CDH6: variants seen among roughly 807,000 people sequenced by gnomAD.
CDH6 encodes cadherin 6.
A neutral mutation model predicts 78.0 loss-of-function variants in CDH6; 31 were observed. The observed-to-expected ratio is 0.40, with a 90% CI of 0.30 to 0.54. The LOEUF (loss-of-function observed/expected upper bound fraction) is 0.54, where lower values mean the gene tolerates loss of function less well. CDH6 is among the 20% of genes least tolerant of loss of function. CDH6 has a pLI of 0.56. For synonymous variants in CDH6, 376 were observed against 368.8 expected (o/e 1.02, Z -0.23); for missense variants, 724 against 975.9 (o/e 0.74, Z 3.44).
intron 7 of CDH6, among the ~76,000 whole-genome samples, chr5:31,306,109 A>C (rs1244927316): frequency 3.3e-5 from 5 of 152,220 alleles, no homozygotes; most frequent in Non-Finnish European, 7.3e-5. Flanking sequence ...ATTTTTAACA[A>C]ATCAAGCACT....
chr5:31,211,734 A>T (rs372956149), intron 1 of CDH6, among the ~76,000 whole-genome samples: 3 of 152,336 alleles, frequency 2.0e-5, no homozygotes, highest in East Asian at 3.9e-4. Context: ...AAGTGGAATA[A>T]AATCTAGAAT....
intron 1 of CDH6, among the ~76,000 whole-genome samples, chr5:31,243,041 A>G (rs533475400): frequency 6.6e-5 from 10 of 152,280 alleles, no homozygotes; most frequent in Admixed American, 3.9e-4. Context: ...TCAACCAACC[A>G]AGCCAATAGA....
In CDH6 at chr5:31,324,961, T is replaced by C; in HGVS notation, c.*1653T>C. ...TTAAGAATATGCTGACTTCACTTAT[T>C]AGTCTTAGGGATTTATTTTCAATTA... On this transcript the variant is annotated 3_prime_UTR_variant, in exon 12 of 12. Coordinates refer to ENST00000265071, the MANE Select transcript of CDH6 (RefSeq NM_004932.4). 1 of 203,660 alleles carries C rather than the reference T, an allele frequency of 4.9e-6. No homozygotes were observed. The highest frequency in any genetic ancestry group is 1.0e-5 in the Non-Finnish European group (1 of 99,358). The allele number at this position is 203,660 out of a possible 1,614,324, so 12.6% of individuals were successfully genotyped here.
At chr5:31,320,269 T>C (rs1305411396) in intron 11 of CDH6, among the ~76,000 whole-genome samples, 4 of 152,244 alleles carry the variant, frequency 2.6e-5, no homozygotes, top group Non-Finnish European at 4.4e-5. Context: ...AGAAAAGATA[T>C]AAGCAGTTTT....
At chr5:31,210,612 T>G (rs1740676952) in intron 1 of CDH6, among the ~76,000 whole-genome samples, 1 of 152,162 alleles carries the variant, frequency 6.6e-6, no homozygotes, top group Admixed American at 6.5e-5. Context: ...ACACCCCTCC[T>G]TCCCCCAGCA....
At chr5:31,244,013 T>C (rs1741677962) in intron 1 of CDH6, among the ~76,000 whole-genome samples, 1 of 152,250 alleles carries the variant, frequency 6.6e-6, no homozygotes, top group South Asian at 2.1e-4. Context: ...CTTGTTTTTA[T>C]GGCCAAATCA....
In CDH6 at chr5:31,236,769, T is replaced by A. The variant is rs1741465894; in HGVS notation, c.-128-30577T>A. ...TTTTGATCAGCAGAATTTGAAAATC[T>A]GGTCCCTCATGCTGGGATTTAATGT... On this transcript the variant is annotated intron_variant, in intron 1 of 11. Coordinates refer to ENST00000265071, the MANE Select transcript of CDH6 (RefSeq NM_004932.4). 2.0e-5 allele frequency among the ~76,000 whole-genome samples: 3 copies of A among 152,326 alleles called. No homozygotes were observed. The South Asian group carries it at 6.2e-4, about 32-fold the overall frequency.
intron 1 of CDH6, among the ~76,000 whole-genome samples, chr5:31,201,843 G>T (rs540893739): frequency 1.3e-5 from 2 of 152,146 alleles, no homozygotes; most frequent in African/African-American, 4.8e-5. Flanking sequence ...TTAATGAAAA[G>T]GTATCCTTGG....
At chr5:31,275,245 G>A (rs1163178236) in intron 2 of CDH6, among the ~76,000 whole-genome samples, 1 of 152,108 alleles carries the variant, frequency 6.6e-6, no homozygotes, top group Non-Finnish European at 1.5e-5. Flanking sequence ...TTTGTTAGCT[G>A]ATTATATTCC....
chr5:31,308,623 G>A lies in CDH6; in HGVS notation c.1253+3196G>A, dbSNP rs1738061758. On this transcript the variant is annotated intron_variant, in intron 7 of 11. Transcript: ENST00000265071. Reference sequence around the variant, plus strand: ...TTGTGTACAAGCAACTTTCCTGAATGATGTGGGCATTTTAGATTTTCTATT... The same window carrying A: ...TTGTGTACAAGCAACTTTCCTGAATAATGTGGGCATTTTAGATTTTCTATT... Among the ~76,000 whole-genome samples the A allele has an allele frequency of 3.3e-5, 5 of 152,060 alleles. No individual in the cohort carries two copies. In the South Asian group the frequency reaches 1.0e-3, roughly 31 times the overall value.
At position 31,326,015 on chromosome 5, in the gene CDH6, C is replaced by T. The variant is rs1738617408; in HGVS notation, c.*2707C>T. 1.7e-5 allele frequency: 4 copies of T among 231,684 alleles called. No homozygotes were observed. The highest frequency in any genetic ancestry group is 5.6e-5 in the Admixed American group (1 of 17,716). The allele number at this position is 231,684 out of a possible 1,614,324, so 14.4% of individuals were successfully genotyped here. ...GTATCAGGTCAAACATCATTGCATG[C>T]GCAGGTTTTTTTTTTAATTGCTAGG... is the stretch of plus-strand genomic sequence containing the variant. On this transcript the variant is annotated 3_prime_UTR_variant, in exon 12 of 12. Transcript: ENST00000265071.
chr5:31,316,060 G>A (rs1344109524), intron 8 of CDH6, 148 bp from the exon 9 acceptor site: 4 of 735,330 alleles, frequency 5.4e-6, no homozygotes, highest in Non-Finnish European at 8.3e-6. Flanking sequence ...TGTACTTTTT[G>A]TGACCACACT....
chr5:31,211,285 G>A (rs1204423879), intron 1 of CDH6, among the ~76,000 whole-genome samples: 2 of 152,062 alleles, frequency 1.3e-5, no homozygotes, highest in African/African-American at 4.8e-5. Context: ...TCCATGCTCT[G>A]TGGGGTGGGG....
At chr5:31,282,576 T>C (rs11951763) in intron 2 of CDH6, among the ~76,000 whole-genome samples, 66,404 of 151,982 alleles carry the variant, frequency 0.44, 14,709 homozygotes, top group African/African-American at 0.5. Context: ...TGTGTAAAGT[T>C]CTTTTTGCCA....
intron 1 of CDH6, among the ~76,000 whole-genome samples, chr5:31,228,285 C>T (rs559267626): frequency 7.9e-4 from 120 of 152,226 alleles, no homozygotes; most frequent in African/African-American, 2.6e-3. Context: ...ACCATATCTG[C>T]GGTCTCTTTT....
chr5:31,323,491 G>A lies in CDH6; in HGVS notation c.*183G>A. 2 of 653,930 alleles carry A rather than the reference G, an allele frequency of 3.1e-6. No homozygotes were observed. Among genetic ancestry groups the A allele is most frequent in the Middle Eastern group, 4.4e-4 (1 of 2,280 alleles). 40.5% of individuals were successfully genotyped at this position (653,930 alleles called of 1,614,324 possible). A position where few individuals can be genotyped will look rare whatever the true frequency, so the allele number is the denominator to read the frequency against. On this transcript the variant is annotated 3_prime_UTR_variant, in exon 12 of 12. Transcript: ENST00000265071. ...GTACACTTTTATGAGCTTCCAAGGG[G>A]CAAATTTTTATTTTTTAGTGCATCC...
At chr5:31,302,904 A>AAAG (rs1459647828) in intron 6 of CDH6, among the ~76,000 whole-genome samples, 7 of 33,154 alleles carry the variant, frequency 2.1e-4, no homozygotes, top group East Asian at 1.7e-3. Flanking sequence ...AGAAAGAAAA[A>AAAG]AAGAAAGAAA....
chr5:31,207,994 A>G (rs528125089), intron 1 of CDH6, among the ~76,000 whole-genome samples: 4 of 152,316 alleles, frequency 2.6e-5, no homozygotes, highest in African/African-American at 4.8e-5. Flanking sequence ...TTAAGAGTGC[A>G]TAAAGTGTAT....
chr5:31,317,039 CA>C (rs1738344215), intron 9 of CDH6, among the ~76,000 whole-genome samples: 1 of 152,142 alleles, frequency 6.6e-6, no homozygotes, highest in African/African-American at 2.4e-5. Flanking sequence ...GTTTCTCAAT[CA>C]GGGTGATTTC....
Sources: allele counts gnomAD v4.1 joint callset (sites outside exome capture counted in the v4.1 genomes callset), GRCh38; gene constraint gnomAD v4.1.1; transcripts MANE v1.5; gene names NCBI Gene and HGNC (gene_info 2026-07-23, HGNC 2026-07-21).